Variants in RPS11 observed in about 807,000 individuals in gnomAD.
RPS11 encodes small ribosomal subunit protein uS17.
For missense variants in RPS11, 127 were observed against 211.4 expected, an observed-to-expected ratio of 0.60 and a Z score of 2.48; for synonymous variants, 107 against 78.0, an observed-to-expected ratio of 1.37 and a Z score of -1.96.
At chr19:49,497,872 C>T (rs372582350) in intron 3 of RPS11, 45 bp from the exon 4 acceptor site, 2 of 1,613,602 alleles carry the variant, frequency 1.2e-6, no homozygotes, top group East Asian at 2.2e-5. Context: ...TACCTATGGC[C>T]CTCTTTCCCA....
chr19:49,498,094 T>A (rs2079916571), intron 4 of RPS11, 48 bp downstream of exon 4: 1 of 1,608,718 alleles, frequency 6.2e-7, no homozygotes. Flanking sequence ...TCTCTCAGCC[T>A]TCAGATTCCA....
At chr19:49,498,607 A>G (rs1398583684) in intron 4 of RPS11, among the ~76,000 whole-genome samples, 1 of 152,172 alleles carries the variant, frequency 6.6e-6, no homozygotes, top group East Asian at 1.9e-4. Flanking sequence ...CAAGTTTGCC[A>G]GGTGTGGTAG....
chr19:49,497,669 C>T (rs2079913622), intron 3 of RPS11, 74 bp downstream of exon 3: 2 of 1,418,276 alleles, frequency 1.4e-6, no homozygotes, highest in Non-Finnish European at 2.0e-6. Flanking sequence ...ACTCCTGGGT[C>T]CTGGGTGAGA....
At position 49,497,821 on chromosome 19, in the gene RPS11, A is replaced by T. The variant is rs190110493; in HGVS notation, c.224-96A>T. On this transcript the variant is annotated intron_variant, in intron 3 of 4. Transcript: ENST00000270625. ...GATGCCGGAAATGGGGCTTTTTGGG[A>T]TCCCTGCTCAGCTGCTTCTGAGTCC... 4,410 of 1,552,906 alleles carry T rather than the reference A, an allele frequency of 2.8e-3. 11 individuals carry two copies. The highest frequency in any genetic ancestry group is 3.5e-3 in the Non-Finnish European group (3,984 of 1,126,078).
intron 1 of RPS11, 115 bp from the exon 2 acceptor site, chr19:49,497,079 C>T: frequency 1.5e-6 from 2 of 1,293,086 alleles, no homozygotes; most frequent in Non-Finnish European, 2.1e-6. Flanking sequence ...GACGCCGGCG[C>T]TTTGCAAGTA....
rs2079913224 is a variant in RPS11, at chr19:49,497,600, G to A, written c.223+5G>A. The A allele has an allele frequency of 1.2e-6, 2 of 1,613,050 alleles. No individual in the cohort carries two copies. The highest frequency in any genetic ancestry group is 1.7e-6 in the Non-Finnish European group (2 of 1,178,978). On this transcript the variant is annotated splice_donor_5th_base_variant and intron_variant, in intron 3 of 4. Coordinates refer to ENST00000270625, the MANE Select transcript of RPS11 (RefSeq NM_001015.5). ...TTCGAGGGCGGATCCTCTCTGGTAA[G>A]TGCGGGAGTTACTGGTGTCTGGGGC...
At chr19:49,498,235 AC>A (rs1309164750) in intron 4 of RPS11, 189 bp downstream of exon 4, 1 of 628,804 alleles carries the variant, frequency 1.6e-6, no homozygotes, top group Non-Finnish European at 2.7e-6. Flanking sequence ...GAATATCTCT[AC>A]CTGAAATGCT....
At chr19:49,497,125 G>T in intron 1 of RPS11, 69 bp from the exon 2 acceptor site, 2 of 1,583,124 alleles carry the variant, frequency 1.3e-6, no homozygotes, top group South Asian at 1.1e-5. Context: ...TTCTGGGAAG[G>T]TCTCTAGGGC....
rs1262018471 is a variant in RPS11, at chr19:49,497,905, C to T, written c.224-12C>T. 1 of 1,614,104 alleles carries T rather than the reference C, an allele frequency of 6.2e-7. No individual in the cohort carries two copies. Among genetic ancestry groups the T allele is most frequent in the Non-Finnish European group, 8.5e-7 (1 of 1,180,012 alleles). ...CCATGGGACCTGACCTATGATCGGC[C>T]CCCGCTCCTAGGCGTGGTGACCAAG... is the stretch of plus-strand genomic sequence containing the variant. On this transcript the variant is annotated splice_polypyrimidine_tract_variant and intron_variant, in intron 3 of 4. Transcript: ENST00000270625.
Position 49,499,648 on chromosome 19 carries a change from G to C in RPS11, c.*13G>C, listed in dbSNP as rs1451042211. ...CCAGAAGTTCTGAGGCTGGACATCG[G>C]CCCGCTCCCCACAATGAAATAAAGT... is the stretch of plus-strand genomic sequence containing the variant. On this transcript the variant is annotated 3_prime_UTR_variant, in exon 5 of 5. Transcript: ENST00000270625. 6.2e-7 allele frequency: 1 copy of C among 1,612,284 alleles called. No homozygotes were observed. The highest frequency in any genetic ancestry group is 8.5e-7 in the Non-Finnish European group (1 of 1,179,234).
At chr19:49,499,025 G>T (rs1349937113) in intron 4 of RPS11, among the ~76,000 whole-genome samples, 1 of 152,194 alleles carries the variant, frequency 6.6e-6, no homozygotes. Flanking sequence ...CAGTGTGGGT[G>T]CCAGATGACA....
chr19:49,498,754 A>C (rs1218321753), intron 4 of RPS11, among the ~76,000 whole-genome samples: 2 of 152,110 alleles, frequency 1.3e-5, no homozygotes, highest in African/African-American at 2.4e-5. Context: ...TGTCTCTCCC[A>C]CACACACACA....
At position 49,497,966 on chromosome 19, in the gene RPS11, C is replaced by T; in HGVS notation, c.273C>T (p.Asp91=). ...KMQRTIVIRR[D]YLHYIRKYNR... is the part of the protein sequence containing the mutation. Reference sequence around the variant, plus strand: ...AGAGGACCATTGTCATCCGCCGAGACTATCTGCACTACATCCGCAAGTACA... The same window carrying T: ...AGAGGACCATTGTCATCCGCCGAGATTATCTGCACTACATCCGCAAGTACA... The change falls in exon 4 of 5, where the codon GAC becomes GAT. Residue 91 remains aspartate (D), a synonymous_variant. Coordinates refer to ENST00000270625, the MANE Select transcript of RPS11 (RefSeq NM_001015.5). The T allele has an allele frequency of 1.2e-6, 2 of 1,614,154 alleles. No homozygotes were observed. Among genetic ancestry groups the T allele is most frequent in the African/African-American group, 1.3e-5 (1 of 75,050 alleles).
At chr19:49,498,480 C>T (rs139346574) in intron 4 of RPS11, among the ~76,000 whole-genome samples, 3 of 152,280 alleles carry the variant, frequency 2.0e-5, no homozygotes, top group Non-Finnish European at 2.9e-5. Flanking sequence ...AGCCAGGCAC[C>T]GTGGCTCAAG....
At chr19:49,499,314 CTG>C (rs1233981038) in intron 4 of RPS11, among the ~76,000 whole-genome samples, 196 bp from the exon 5 acceptor site, 5 of 152,172 alleles carry the variant, frequency 3.3e-5, no homozygotes, top group Non-Finnish European at 5.9e-5. Context: ...GTGGCCTGCT[CTG>C]TGTACAGCGT....
At chr19:49,496,558 T>A in intron 1 of RPS11, 87 bp downstream of exon 1, 1 of 1,402,494 alleles carries the variant, frequency 7.1e-7, no homozygotes, top group South Asian at 1.3e-5. Context: ...GGCGGCCAAG[T>A]TCGGGGGTTA....
intron 4 of RPS11, chr19:49,498,376 T>C (rs986534602): frequency 1.4e-4 from 45 of 327,090 alleles, no homozygotes; most frequent in Non-Finnish European, 1.8e-5. Flanking sequence ...TCTTACGCAG[T>C]GCGTTTTATA....
In RPS11 at chr19:49,497,593, C is replaced by G. The variant is rs762405051; in HGVS notation, c.221C>G (p.Ser74Cys). ...GNVSIRGRIL[S>C]GVVTKMKMQR... ...GTGTCCATTCGAGGGCGGATCCTCT[C>G]TGGTAAGTGCGGGAGTTACTGGTGT... is the stretch of plus-strand genomic sequence containing the variant. The change falls in exon 3 of 5, where the codon TCT (serine) becomes TGT (cysteine). Residue 74 changes from serine (S) to cysteine (C), a missense_variant and splice_region_variant. Coordinates refer to ENST00000270625, the MANE Select transcript of RPS11 (RefSeq NM_001015.5). 3 of 1,613,566 alleles carry G rather than the reference C, an allele frequency of 1.9e-6. No individual in the cohort carries two copies. In the Admixed American group the frequency reaches 5.0e-5, roughly 27 times the overall value.
rs1022617493 is a variant in RPS11, at chr19:49,496,462, G to A, written c.6G>A (p.Ala2=). ...TTTTTCAGGCGGCCGGGAAGATGGCGGACATTCAGGTGCGGACTCGGGGTT... is the reference window on the plus strand; with the variant it reads ...TTTTTCAGGCGGCCGGGAAGATGGCAGACATTCAGGTGCGGACTCGGGGTT... M[A]DIQTERAYQK... Residue 2 remains alanine, a synonymous_variant, in exon 1 of 5, where the codon GCG becomes GCA. Coordinates refer to ENST00000270625, the MANE Select transcript of RPS11 (RefSeq NM_001015.5). 6 of 1,612,122 alleles carry A rather than the reference G, an allele frequency of 3.7e-6. No individual in the cohort carries two copies. The East Asian group carries it at 9.0e-5, about 24-fold the overall frequency.
Sources: allele counts gnomAD v4.1 joint callset (sites outside exome capture counted in the v4.1 genomes callset), GRCh38; gene constraint gnomAD v4.1.1; transcripts MANE v1.5; gene names NCBI Gene and HGNC (gene_info 2026-07-23, HGNC 2026-07-21).